IL20RA: variants seen among roughly 807,000 people sequenced by gnomAD.
The protein encoded by IL20RA is interleukin-20 receptor subunit alpha.
In IL20RA, 29 loss-of-function variants were observed where a neutral mutation model predicts 36.5. That is an observed-to-expected ratio of 0.79 (90% CI 0.59 to 1.08). The LOEUF is 1.08. Among genes scored for constraint, IL20RA ranks in the 50% least tolerant of loss-of-function variants. The pLI, the probability that IL20RA is intolerant of heterozygous loss-of-function variation, is 0.00. For synonymous variants in IL20RA, 279 were observed against 267.1 expected, an observed-to-expected ratio of 1.04 and a Z score of -0.43; for missense variants, 652 against 668.4, an observed-to-expected ratio of 0.98 and a Z score of 0.27.
chr6:137,011,597 C>T, intron 2 of IL20RA, 145 bp from the exon 3 acceptor site: 1 of 550,430 alleles, frequency 1.8e-6, no homozygotes, highest in East Asian at 3.0e-5. Flanking sequence ...AAAAAGAATC[C>T]ACTTTTGCGG....
chr6:137,013,397 A>G (rs953580346), intron 2 of IL20RA, among the ~76,000 whole-genome samples: 1 of 152,222 alleles, frequency 6.6e-6, no homozygotes, highest in African/African-American at 2.4e-5. Context: ...TCCAGTAATG[A>G]CACTCACGCA....
intron 1 of IL20RA, among the ~76,000 whole-genome samples, chr6:137,023,628 G>A (rs1775987185): frequency 6.6e-6 from 1 of 152,152 alleles, no homozygotes; most frequent in African/African-American, 2.4e-5. Flanking sequence ...GAGATGCATG[G>A]GAAGCTTGGA....
At chr6:137,035,207 A>G (rs558591852) in intron 1 of IL20RA, among the ~76,000 whole-genome samples, 1 of 152,174 alleles carries the variant, frequency 6.6e-6, no homozygotes, top group Admixed American at 6.5e-5. Context: ...TATGGTTTTT[A>G]CTAAAAGTAT....
In IL20RA at chr6:137,011,336, G is replaced by T. The variant is rs770725433; in HGVS notation, c.341C>A (p.Ala114Asp). ...TTTGGAACACTTTGTTCCCCAAATG[G>T]CCTTAACTTTGGCATAATACTGGTG... ...YEHQYYAKVK[A>D]IWGTKCSKWA... Residue 114 changes from alanine (A) to aspartate (D), a missense_variant, in exon 3 of 7, where the codon GCC (alanine) becomes GAC (aspartate). Ala to Asp is a moderately radical substitution (Grantham distance 126, BLOSUM62 -2). Coordinates refer to ENST00000316649, the MANE Select transcript of IL20RA (RefSeq NM_014432.4). The T allele has an allele frequency of 3.7e-6, 6 of 1,613,790 alleles. No homozygotes were observed. The South Asian group carries it at 6.6e-5, about 18-fold the overall frequency.
At chr6:137,020,768 C>A (rs1445394178) in intron 1 of IL20RA, among the ~76,000 whole-genome samples, 1 of 152,086 alleles carries the variant, frequency 6.6e-6, no homozygotes, top group South Asian at 2.1e-4. Flanking sequence ...CAGAAATCCA[C>A]TTAAAAATGA....
intron 2 of IL20RA, among the ~76,000 whole-genome samples, chr6:137,012,361 CTCTT>C (rs1276165768): frequency 1.3e-5 from 2 of 152,174 alleles, no homozygotes; most frequent in African/African-American, 2.4e-5. Flanking sequence ...AGGATGCTGT[CTCTT>C]TCTGTCTGGG....
rs1276235741 is a variant in IL20RA at position 137,001,223 on chromosome 6, A to C, written c.*335T>G. 5.1e-6 allele frequency: 1 copy of C among 196,328 alleles called. No individual in the cohort carries two copies. The highest frequency in any genetic ancestry group is 2.3e-5 in the African/African-American group (1 of 43,172). 12.2% of individuals were successfully genotyped at this position (196,328 alleles called of 1,614,324 possible). A position where few individuals can be genotyped will look rare whatever the true frequency, so the allele number is the denominator to read the frequency against. ...GGAAGTACCCAGAAAATAATTGTAC[A>C]AGTGTGCTTGTTTGAAAATAATGAA... On this transcript the variant is annotated 3_prime_UTR_variant, in exon 7 of 7. Transcript: ENST00000316649.
chr6:137,043,117 GT>G (rs926091389), intron 1 of IL20RA, among the ~76,000 whole-genome samples: 5 of 152,070 alleles, frequency 3.3e-5, no homozygotes, highest in Admixed American at 3.3e-4. Flanking sequence ...TTTGTTTTTG[GT>G]TTTTTCCCCA....
intron 1 of IL20RA, chr6:137,044,301 C>T (rs1452907982): frequency 9.8e-7 from 1 of 1,016,920 alleles, no homozygotes; most frequent in Non-Finnish European, 1.2e-6. Flanking sequence ...CGCATGGTAA[C>T]CGTCCCCGAC....
At chr6:137,017,192 C>T in intron 1 of IL20RA, 89 bp from the exon 2 acceptor site, 1 of 981,138 alleles carries the variant, frequency 1.0e-6, no homozygotes, top group Admixed American at 2.2e-5. Flanking sequence ...AGATGGCCCC[C>T]AATACGGCCT....
intron 1 of IL20RA, among the ~76,000 whole-genome samples, chr6:137,024,090 T>C (rs975766808): frequency 2.1e-4 from 32 of 152,136 alleles, no homozygotes; most frequent in African/African-American, 7.7e-4. Flanking sequence ...TGAGACTCTA[T>C]CTAAAAACAA....
At chr6:137,041,286 G>A (rs72971578) in intron 1 of IL20RA, among the ~76,000 whole-genome samples, 6,516 of 152,300 alleles carry the variant, frequency 0.043, 192 homozygotes, top group Non-Finnish European at 0.063. Context: ...CAGAAAAAGG[G>A]CATTATTGGA....
intron 1 of IL20RA, among the ~76,000 whole-genome samples, chr6:137,042,026 T>A (rs371135620): frequency 1.6e-4 from 24 of 152,140 alleles, no homozygotes; most frequent in East Asian, 7.7e-4. Flanking sequence ...TGTGTTTTCA[T>A]TGTTGAACTC....
At chr6:137,013,386 T>C (rs1775563566) in intron 2 of IL20RA, among the ~76,000 whole-genome samples, 1 of 152,198 alleles carries the variant, frequency 6.6e-6, no homozygotes. Flanking sequence ...TCAGCAAATA[T>C]TCCAGTAATG....
intron 1 of IL20RA, 151 bp from the exon 2 acceptor site, chr6:137,017,254 C>T (rs1456837112): frequency 6.2e-6 from 4 of 648,970 alleles, no homozygotes; most frequent in Admixed American, 3.0e-5. Flanking sequence ...GAGAATGTGG[C>T]AGAGGTGGCT....
chr6:137,025,287 G>A (rs2115401794), intron 1 of IL20RA, among the ~76,000 whole-genome samples: 1 of 152,228 alleles, frequency 6.6e-6, no homozygotes, highest in East Asian at 1.9e-4. Flanking sequence ...TGGGATTAGT[G>A]CCCTTATAAA....
At chr6:137,024,177 T>C (rs1247706719) in intron 1 of IL20RA, among the ~76,000 whole-genome samples, 1 of 152,162 alleles carries the variant, frequency 6.6e-6, no homozygotes, top group Non-Finnish European at 1.5e-5. Context: ...AGAAATACGA[T>C]TTGATAACTA....
At chr6:137,004,173 T>G (rs994852648) in intron 6 of IL20RA, among the ~76,000 whole-genome samples, 4 of 133,614 alleles carry the variant, frequency 3.0e-5, no homozygotes, top group Admixed American at 7.6e-5. Flanking sequence ...TTTTTTTTTT[T>G]TTTTTTTTTT....
At position 137,002,060 on chromosome 6, in the gene IL20RA, G is replaced by C; in HGVS notation, c.1160C>G (p.Ser387Cys). 6.2e-7 allele frequency: 1 copy of C among 1,614,156 alleles called. No homozygotes were observed. The highest frequency in any genetic ancestry group is 8.5e-7 in the Non-Finnish European group (1 of 1,180,044). The change falls in exon 7 of 7, where the codon TCC (serine) becomes TGC (cysteine). Residue 387 changes from serine to cysteine, a missense_variant. Ser to Cys is a moderately radical substitution (Grantham distance 112). Coordinates refer to ENST00000316649, the MANE Select transcript of IL20RA (RefSeq NM_014432.4). Reference protein sequence around the residue: ...TEGTSLTQQESLSRTIPPDKT... With the variant: ...TEGTSLTQQECLSRTIPPDKT... ...ATCCGGGGGTATTGTTCTGCTGAGG[G>C]ACTCTTGCTGGGTGAGAGAAGTACC...
Sources: allele counts gnomAD v4.1 joint callset (sites outside exome capture counted in the v4.1 genomes callset), GRCh38; gene constraint gnomAD v4.1.1; transcripts MANE v1.5; gene names NCBI Gene and HGNC (gene_info 2026-07-23, HGNC 2026-07-21).